Variants in SGCZ observed in about 807,000 individuals in gnomAD.
SGCZ encodes the protein zeta-sarcoglycan.
Under a neutral mutation model 41.3 loss-of-function variants are expected in SGCZ, and 40 were observed. The ratio of observed to expected loss-of-function variants is 0.97; its 90% confidence interval spans 0.75 to 1.26. The LOEUF (loss-of-function observed/expected upper bound fraction) is 1.26. Ranked by LOEUF, SGCZ falls within the 50% of genes most tolerant of loss-of-function variation. SGCZ has a pLI of 0.00. For synonymous variants in SGCZ, 206 were observed against 137.5 expected (o/e 1.50, Z -3.49); for missense variants, 552 against 369.8 (o/e 1.49, Z -4.04).
At chr8:15,153,157 C>G (rs565225290) in intron 1 of SGCZ, among the ~76,000 whole-genome samples, 2 of 152,228 alleles carry the variant, frequency 1.3e-5, no homozygotes, top group South Asian at 2.1e-4. Context: ...TTTAGATGTA[C>G]AGGAGATAAA....
intron 4 of SGCZ, among the ~76,000 whole-genome samples, chr8:14,172,296 T>C (rs1286894283): frequency 6.6e-6 from 1 of 152,116 alleles, no homozygotes; most frequent in Non-Finnish European, 1.5e-5. Flanking sequence ...CTCAACACAG[T>C]CTTTCAAGAT....
At chr8:15,023,645 T>A (rs1260349054) in intron 1 of SGCZ, among the ~76,000 whole-genome samples, 1 of 152,190 alleles carries the variant, frequency 6.6e-6, no homozygotes, top group East Asian at 1.9e-4. Flanking sequence ...TTTTATTATA[T>A]TTTTTAAATA....
chr8:14,474,844 C>G (rs964100460), intron 2 of SGCZ, among the ~76,000 whole-genome samples: 7 of 152,062 alleles, frequency 4.6e-5, no homozygotes, highest in African/African-American at 1.7e-4. Context: ...AAGTCACAGA[C>G]AGCTTTAATC....
intron 1 of SGCZ, among the ~76,000 whole-genome samples, chr8:14,934,007 G>A (rs1419777966): frequency 6.6e-6 from 1 of 151,792 alleles, no homozygotes; most frequent in African/African-American, 2.4e-5. Flanking sequence ...CCCTCTTATC[G>A]ATGTGTTTCT....
At chr8:14,620,668 G>A (rs1441526785) in intron 1 of SGCZ, among the ~76,000 whole-genome samples, 1 of 152,192 alleles carries the variant, frequency 6.6e-6, no homozygotes, top group Admixed American at 6.5e-5. Context: ...CATTTCTGCA[G>A]CCAACAGACA....
chr8:14,689,763 G>T (rs1808737886), intron 1 of SGCZ, among the ~76,000 whole-genome samples: 1 of 152,144 alleles, frequency 6.6e-6, no homozygotes, highest in South Asian at 2.1e-4. Flanking sequence ...GATAGAGGCA[G>T]TGGATATCTA....
intron 5 of SGCZ, among the ~76,000 whole-genome samples, chr8:14,112,106 G>T (rs116981473): frequency 1.3e-5 from 2 of 152,214 alleles, no homozygotes; most frequent in Non-Finnish European, 2.9e-5. Context: ...AAGCACCAGA[G>T]AGAAAGCAAA....
intron 1 of SGCZ, among the ~76,000 whole-genome samples, chr8:15,093,814 G>T (rs149270838): frequency 1.3e-5 from 2 of 152,216 alleles, no homozygotes; most frequent in South Asian, 4.1e-4. Context: ...ACAATAATCG[G>T]ACCATTAAAC....
At chr8:14,899,796 G>C (rs1563348918) in intron 1 of SGCZ, among the ~76,000 whole-genome samples, 2 of 151,758 alleles carry the variant, frequency 1.3e-5, no homozygotes, top group Admixed American at 1.3e-4. Flanking sequence ...GAGGAATACA[G>C]GAAGGGAGAA....
intron 1 of SGCZ, among the ~76,000 whole-genome samples, chr8:14,648,488 A>G (rs1807295839): frequency 6.6e-6 from 1 of 152,128 alleles, no homozygotes; most frequent in African/African-American, 2.4e-5. Flanking sequence ...ACATTGTGAC[A>G]TGTTAAGATG....
intron 3 of SGCZ, among the ~76,000 whole-genome samples, chr8:14,264,600 G>C (rs1799809499): frequency 6.6e-6 from 1 of 152,120 alleles, no homozygotes; most frequent in Admixed American, 6.5e-5. Flanking sequence ...ATGATACAGA[G>C]GCAGTGACCA....
chr8:14,785,998 C>T (rs1442328462), intron 1 of SGCZ, among the ~76,000 whole-genome samples: 6 of 134,840 alleles, frequency 4.4e-5, no homozygotes, highest in South Asian at 2.2e-4. Context: ...ACTATGAAAA[C>T]GAAAGAAAAT....
chr8:15,237,835 C>A lies in SGCZ; in HGVS notation c.-212G>T. On this transcript the variant is annotated 5_prime_UTR_variant, in exon 1 of 8. Coordinates refer to ENST00000382080, the MANE Select transcript of SGCZ (RefSeq NM_139167.4). ...GATAATTCACTTTATTTTACTTCCTCAAAGATTTAGTGACAGGTGATCTCT... is the reference window on the plus strand; with the variant it reads ...GATAATTCACTTTATTTTACTTCCTAAAAGATTTAGTGACAGGTGATCTCT... The A allele has an allele frequency of 9.8e-6, 5 of 511,704 alleles. No homozygotes were observed. Among genetic ancestry groups the A allele is most frequent in the Admixed American group, 3.0e-5 (1 of 32,892 alleles). The allele number at this position is 511,704 out of a possible 1,614,324, so 31.7% of individuals were successfully genotyped here.
chr8:14,337,984 T>A (rs1802560839), intron 2 of SGCZ, among the ~76,000 whole-genome samples: 3 of 152,198 alleles, frequency 2.0e-5, no homozygotes, highest in Non-Finnish European at 2.9e-5. Flanking sequence ...TTAATAACTC[T>A]TGCTGTCCAT....
intron 1 of SGCZ, among the ~76,000 whole-genome samples, chr8:15,062,508 T>C (rs996931857): frequency 6.6e-6 from 1 of 152,092 alleles, no homozygotes; most frequent in African/African-American, 2.4e-5. Context: ...CAAATAGAAA[T>C]AGTCAAGTAG....
At chr8:14,484,422 A>G (rs1245722314) in intron 2 of SGCZ, among the ~76,000 whole-genome samples, 2 of 152,164 alleles carry the variant, frequency 1.3e-5, no homozygotes, top group Admixed American at 6.5e-5. Flanking sequence ...ATGTTTTGTT[A>G]TATTTTTAAA....
chr8:14,623,141 T>A (rs1806339285), intron 1 of SGCZ, among the ~76,000 whole-genome samples: 1 of 152,138 alleles, frequency 6.6e-6, no homozygotes, highest in Non-Finnish European at 1.5e-5. Flanking sequence ...GAAGTATTTT[T>A]TAAGATTTAA....
intron 1 of SGCZ, among the ~76,000 whole-genome samples, chr8:15,161,736 T>C (rs1381335117): frequency 6.6e-6 from 1 of 152,198 alleles, no homozygotes; most frequent in African/African-American, 2.4e-5. Context: ...CAGTTGGCAA[T>C]TAACAAATTA....
At chr8:14,773,738 G>A (rs1308404668) in intron 1 of SGCZ, among the ~76,000 whole-genome samples, 2 of 152,128 alleles carry the variant, frequency 1.3e-5, no homozygotes, top group Middle Eastern at 3.2e-3. Context: ...ATGGTGAGGG[G>A]CCTCCTTCTA....
Sources: allele counts gnomAD v4.1 joint callset (sites outside exome capture counted in the v4.1 genomes callset), GRCh38; gene constraint gnomAD v4.1.1; transcripts MANE v1.5; gene names NCBI Gene and HGNC (gene_info 2026-07-23, HGNC 2026-07-21).